Variants in GSE1 observed in about 807,000 individuals in gnomAD.
GSE1 encodes the protein genetic suppressor element 1.
A neutral mutation model predicts 112.6 loss-of-function variants in GSE1; 32 were observed. The observed-to-expected ratio is 0.28, with a 90% CI of 0.21 to 0.38. The LOEUF (loss-of-function observed/expected upper bound fraction) is 0.38, where lower values mean the gene tolerates loss of function less well. Ranked by LOEUF, GSE1 falls within the 10% of genes least tolerant of loss-of-function variation. GSE1 has a pLI of 1.00. For synonymous variants in GSE1, 1,115 were observed against 735.6 expected, an observed-to-expected ratio of 1.52 and a Z score of -8.35; for missense variants, 2,348 against 1,699.2, an observed-to-expected ratio of 1.38 and a Z score of -6.71.
At chr16:85,491,466 T>C (rs903217161) in intron 2 of GSE1, among the ~76,000 whole-genome samples, 35 of 151,890 alleles carry the variant, frequency 2.3e-4, no homozygotes, top group Admixed American at 2.2e-3. Context: ...GGAGGGGCTT[T>C]ATGAGAAGGT....
intron 1 of GSE1, among the ~76,000 whole-genome samples, chr16:85,202,912 G>A (rs1243168071): frequency 1.3e-5 from 2 of 152,100 alleles, no homozygotes; most frequent in African/African-American, 4.8e-5. Context: ...AGCTCTGTGG[G>A]AAGGTCAGAG....
intron 1 of GSE1, among the ~76,000 whole-genome samples, chr16:85,288,620 C>T (rs1319560204): frequency 6.6e-6 from 1 of 152,218 alleles, no homozygotes; most frequent in East Asian, 1.9e-4. Context: ...GACACCCCTG[C>T]CACTGAGGAC....
chr16:85,608,300 C>T (rs971553102), upstream of GSE1, among the ~76,000 whole-genome samples: 2 of 152,218 alleles, frequency 1.3e-5, no homozygotes, highest in South Asian at 2.1e-4. Context: ...TCGTGCCCCC[C>T]GGATTCAGTG....
intron 1 of GSE1, among the ~76,000 whole-genome samples, chr16:85,191,123 G>C (rs2074810599): frequency 6.6e-6 from 1 of 152,080 alleles, no homozygotes; most frequent in Admixed American, 6.6e-5. Flanking sequence ...AGCTGGGCGT[G>C]GTGTTGTGTG....
intron 2 of GSE1, among the ~76,000 whole-genome samples, chr16:85,647,169 C>T (rs2050942159): frequency 6.6e-6 from 1 of 152,212 alleles, no homozygotes; most frequent in South Asian, 2.1e-4. Context: ...CCGGGGCGGC[C>T]CTGCCCGTCC....
intron 1 of GSE1, among the ~76,000 whole-genome samples, chr16:85,335,932 G>T (rs1026365939): frequency 6.6e-6 from 1 of 152,226 alleles, no homozygotes; most frequent in Admixed American, 6.5e-5. Flanking sequence ...ATGCTGACCG[G>T]CTGGCCTGAG....
At chr16:85,342,530 C>T (rs906378111) in intron 1 of GSE1, among the ~76,000 whole-genome samples, 1 of 152,160 alleles carries the variant, frequency 6.6e-6, no homozygotes, top group Non-Finnish European at 1.5e-5. Flanking sequence ...TCGGCAGCCC[C>T]ACCAGCCCCC....
At chr16:85,189,327 C>T (rs2074775600) in intron 1 of GSE1, among the ~76,000 whole-genome samples, 1 of 152,150 alleles carries the variant, frequency 6.6e-6, no homozygotes, top group Non-Finnish European at 1.5e-5. Context: ...CCCTGTTTCT[C>T]CAACTAGATA....
chr16:85,392,772 T>G (rs7192984), intron 2 of GSE1, among the ~76,000 whole-genome samples: 123,401 of 152,156 alleles, frequency 0.81, 51,596 homozygotes, highest in Admixed American at 0.9. Context: ...AACCCAGAAG[T>G]CCAGCCTCCT....
At chr16:85,237,819 C>A (rs1224676705) in intron 1 of GSE1, among the ~76,000 whole-genome samples, 4 of 147,652 alleles carry the variant, frequency 2.7e-5, no homozygotes, top group Non-Finnish European at 5.9e-5. Flanking sequence ...GTCTGGGCGA[C>A]AGAGCAAGAC....
intron 1 of GSE1, among the ~76,000 whole-genome samples, chr16:85,241,082 C>G (rs527941904): frequency 6.6e-6 from 1 of 152,152 alleles, no homozygotes; most frequent in East Asian, 1.9e-4. Flanking sequence ...CAGGCTTCCC[C>G]GTGAAACGAG....
chr16:85,307,397 G>A (rs1026973204), intron 1 of GSE1, among the ~76,000 whole-genome samples: 12 of 152,214 alleles, frequency 7.9e-5, no homozygotes, highest in East Asian at 1.9e-4. Flanking sequence ...CCAGGACAGC[G>A]CTCAGTTTCA....
At chr16:85,464,998 CT>C (rs2151832523) in intron 2 of GSE1, among the ~76,000 whole-genome samples, 1 of 152,316 alleles carries the variant, frequency 6.6e-6, no homozygotes, top group Admixed American at 6.5e-5. Context: ...AAACAGTGTG[CT>C]CGTTTTTCAG....
intron 2 of GSE1, among the ~76,000 whole-genome samples, chr16:85,363,013 T>C (rs1225955591): frequency 1.3e-5 from 2 of 152,080 alleles, no homozygotes; most frequent in Non-Finnish European, 2.9e-5. Context: ...TTTTTTTGTA[T>C]TTTAATAGAC....
At chr16:85,434,900 C>G (rs996768690) in intron 2 of GSE1, among the ~76,000 whole-genome samples, 1 of 152,232 alleles carries the variant, frequency 6.6e-6, no homozygotes, top group African/African-American at 2.4e-5. Context: ...CCCCGTCCTA[C>G]TGGGGTGGGC....
intron 1 of GSE1, among the ~76,000 whole-genome samples, chr16:85,209,694 A>G (rs537602509): frequency 2.2e-3 from 339 of 152,322 alleles, no homozygotes; most frequent in Admixed American, 4.1e-3. Flanking sequence ...GTGCATGGCC[A>G]TGGTCACGAC....
At chr16:85,669,815 C>T (rs927087645) in intron 14 of GSE1, among the ~76,000 whole-genome samples, 2 of 152,214 alleles carry the variant, frequency 1.3e-5, no homozygotes, top group African/African-American at 4.8e-5. Flanking sequence ...CCCACCCAAC[C>T]AGTTGTCCTG....
chr16:85,280,904 C>T (rs1374389224), intron 1 of GSE1, among the ~76,000 whole-genome samples: 5 of 152,116 alleles, frequency 3.3e-5, no homozygotes, highest in Admixed American at 2.0e-4. Flanking sequence ...GAGAGGGTCC[C>T]GTGGGTCCTC....
chr16:85,366,127 G>A (rs2151588875), intron 2 of GSE1, among the ~76,000 whole-genome samples: 1 of 152,402 alleles, frequency 6.6e-6, no homozygotes, highest in African/African-American at 2.4e-5. Flanking sequence ...GGGAAGGCGG[G>A]ACTGCGCTCG....
Sources: allele counts gnomAD v4.1 joint callset (sites outside exome capture counted in the v4.1 genomes callset), GRCh38; gene constraint gnomAD v4.1.1; transcripts MANE v1.5; gene names NCBI Gene and HGNC (gene_info 2026-07-23, HGNC 2026-07-21).